The following RTL4 variants were observed in gnomAD, a reference collection of about 807,000 sequenced individuals.
RTL4 encodes retrotransposon Gag like 4.
RTL4 carries 4 observed loss-of-function variants against 5.3 expected under a neutral mutation model. The observed-to-expected ratio is 0.75, with a 90% CI of 0.37 to 1.72. RTL4 has a LOEUF of 1.72. Ranked by LOEUF, RTL4 falls within the 40% of genes most tolerant of loss-of-function variation. RTL4 has a pLI of 0.04. For synonymous variants in RTL4, 98 were observed against 87.3 expected (o/e 1.12, Z -0.68); for missense variants, 260 against 227.1 (o/e 1.14, Z -0.93).
chrX:112,303,525 C>A, the RTL4 span, among the ~76,000 whole-genome samples: 1 of 94,646 alleles, frequency 1.1e-5, no homozygotes, highest in Admixed American at 1.3e-4. Flanking sequence ...CCAAACACCG[C>A]ATGTTCTCAC....
At chrX:112,168,803 A>G in the RTL4 span, among the ~76,000 whole-genome samples, 2 of 111,763 alleles carry the variant, frequency 1.8e-5, no homozygotes, top group Admixed American at 9.4e-5. Context: ...AATAATAAGT[A>G]TAAGCAGGTG....
chrX:112,401,999 A>G, the RTL4 span, among the ~76,000 whole-genome samples: 1 of 111,826 alleles, frequency 8.9e-6, no homozygotes, highest in East Asian at 2.8e-4. Context: ...CCTATTGTCC[A>G]TCCTACTATT....
At chrX:112,092,669 C>A in the RTL4 span, among the ~76,000 whole-genome samples, 2 of 111,243 alleles carry the variant, frequency 1.8e-5, no homozygotes, top group Non-Finnish European at 3.8e-5. Context: ...TGGGAGGGAC[C>A]TGGTGGGAGA....
At chrX:112,142,820 C>A in the RTL4 span, among the ~76,000 whole-genome samples, 4 of 111,405 alleles carry the variant, frequency 3.6e-5, no homozygotes, top group African/African-American at 1.3e-4. Context: ...ATCCTGAAGA[C>A]AAAGGAGAAA....
chrX:112,357,724 AAAC>A, the RTL4 span, among the ~76,000 whole-genome samples: 7 of 111,819 alleles, frequency 6.3e-5, no homozygotes, highest in Admixed American at 1.9e-4. Flanking sequence ...ATGGCTGTAC[AAAC>A]AACACTGATA....
chrX:112,225,777 C>T, the RTL4 span, among the ~76,000 whole-genome samples: 2 of 111,879 alleles, frequency 1.8e-5, no homozygotes, highest in Admixed American at 1.9e-4. Flanking sequence ...AGTTTAAGGT[C>T]CACTGCCCCA....
At chrX:112,213,511 T>C in the RTL4 span, among the ~76,000 whole-genome samples, 1 of 112,678 alleles carries the variant, frequency 8.9e-6, no homozygotes, top group Non-Finnish European at 1.9e-5. Context: ...CTGAGTCCAG[T>C]GCTTGGTGTC....
the RTL4 span, among the ~76,000 whole-genome samples, chrX:112,238,267 CAATT>C: frequency 8.9e-6 from 1 of 111,874 alleles, no homozygotes; most frequent in African/African-American, 3.2e-5. Context: ...TCACCATAAA[CAATT>C]GATATTGATT....
chrX:112,155,087 C>A, the RTL4 span, among the ~76,000 whole-genome samples: 1 of 110,822 alleles, frequency 9.0e-6, no homozygotes, highest in Non-Finnish European at 1.9e-5. Flanking sequence ...CAGACCCTCA[C>A]CAGACACCAA....
At chrX:112,176,116 A>G in the RTL4 span, among the ~76,000 whole-genome samples, 2 of 110,873 alleles carry the variant, frequency 1.8e-5, no homozygotes, top group African/African-American at 6.6e-5. Context: ...TCATGAGTGA[A>G]CTCCCATTCA....
chrX:112,326,820 G>C, the RTL4 span, among the ~76,000 whole-genome samples: 1 of 111,808 alleles, frequency 8.9e-6, no homozygotes, highest in South Asian at 3.8e-4. Flanking sequence ...AGAACGGGCA[G>C]ACTGCCTCCT....
At chrX:112,366,032 C>A in the RTL4 span, among the ~76,000 whole-genome samples, 1 of 111,124 alleles carries the variant, frequency 9.0e-6, no homozygotes, top group Non-Finnish European at 1.9e-5. Flanking sequence ...TGAGCTGTGG[C>A]TTATAGTAGC....
the RTL4 span, among the ~76,000 whole-genome samples, chrX:112,114,361 T>C: frequency 8.9e-6 from 1 of 111,891 alleles, no homozygotes; most frequent in African/African-American, 3.2e-5. Flanking sequence ...TATCATTTAC[T>C]TGACTAAGAT....
chrX:112,456,764 C>T (rs962676918), exon 1 of RTL4: 17 of 137,514 alleles, frequency 1.2e-4, no homozygotes, highest in African/African-American at 4.8e-4. Flanking sequence ...AATTGAGGAT[C>T]TTAAAAAACA....
At chrX:112,275,165 A>ATT in the RTL4 span, among the ~76,000 whole-genome samples, 1 of 104,809 alleles carries the variant, frequency 9.5e-6, no homozygotes, top group African/African-American at 3.5e-5. Context: ...ATTTGATCTC[A>ATT]TTTTTTCTCT....
the RTL4 span, among the ~76,000 whole-genome samples, chrX:112,342,911 C>A: frequency 3.6e-5 from 4 of 111,293 alleles, no homozygotes; most frequent in Admixed American, 1.9e-4. Flanking sequence ...ACCAGCCTGG[C>A]CAATATGGTG....
chrX:112,390,316 G>A, the RTL4 span, among the ~76,000 whole-genome samples: 1 of 100,299 alleles, frequency 1.0e-5, no homozygotes, highest in Admixed American at 1.1e-4. Context: ...AATGGGCATG[G>A]TGGTGCACTC....
the RTL4 span, among the ~76,000 whole-genome samples, chrX:112,242,772 C>T: frequency 8.1e-5 from 9 of 111,639 alleles, no homozygotes; most frequent in South Asian, 7.6e-4. Context: ...CTGTCTTGTA[C>T]CGGTTTTCAA....
chrX:112,149,165 T>G, the RTL4 span, among the ~76,000 whole-genome samples: 1 of 112,231 alleles, frequency 8.9e-6, no homozygotes, highest in Non-Finnish European at 1.9e-5. Flanking sequence ...GTTACTTCCT[T>G]TAACAGATAT....
Sources: allele counts gnomAD v4.1 joint callset (sites outside exome capture counted in the v4.1 genomes callset), GRCh38; gene constraint gnomAD v4.1.1; transcripts MANE v1.5; gene names NCBI Gene and HGNC (gene_info 2026-07-23, HGNC 2026-07-21).